Variants in MYLK4 observed in about 807,000 individuals in gnomAD.
MYLK4 encodes caMLCK like.
MYLK4 carries 46 observed loss-of-function variants against 48.1 expected under a neutral mutation model. That is an observed-to-expected ratio of 0.96 (90% CI 0.75 to 1.22). The LOEUF is 1.22. MYLK4 is among the 50% of genes most tolerant of loss of function. The probability of loss-of-function intolerance (pLI) is 0.00; values close to 1 mark genes in which losing one functional copy is unlikely to be tolerated. For missense variants in MYLK4, 451 were observed against 486.1 expected (o/e 0.93, Z 0.68); for synonymous variants, 170 against 180.8 (o/e 0.94, Z 0.48).
intron 2 of MYLK4, among the ~76,000 whole-genome samples, chr6:2,748,030 C>A (rs1764157683): frequency 6.6e-6 from 1 of 152,166 alleles, no homozygotes; most frequent in Admixed American, 6.5e-5. Context: ...GCCTCCTAGA[C>A]CTTTTATATA....
the MYLK4 span, among the ~76,000 whole-genome samples, chr6:2,757,149 T>TTC: frequency 6.6e-6 from 1 of 152,038 alleles, no homozygotes; most frequent in African/African-American, 2.4e-5. Context: ...CTTTTTTTTT[T>TTC]TTTAATTAAA....
At chr6:2,681,553 G>A (rs897676360) in intron 7 of MYLK4, among the ~76,000 whole-genome samples, 6 of 152,160 alleles carry the variant, frequency 3.9e-5, no homozygotes, top group Admixed American at 6.5e-5. Context: ...ATTTCAATAA[G>A]TTAGCCTTTT....
chr6:2,686,944 C>G (rs1443021573), intron 4 of MYLK4, among the ~76,000 whole-genome samples: 2 of 152,208 alleles, frequency 1.3e-5, no homozygotes, highest in African/African-American at 4.8e-5. Context: ...CACTGTCTGA[C>G]TTCCCGGCTC....
At chr6:2,723,617 C>T (rs1195272857) in intron 2 of MYLK4, among the ~76,000 whole-genome samples, 3 of 152,220 alleles carry the variant, frequency 2.0e-5, no homozygotes, top group African/African-American at 7.2e-5. Context: ...TCACTCATGG[C>T]CCCATCAGAG....
At chr6:2,769,191 C>T in the MYLK4 span, among the ~76,000 whole-genome samples, 6 of 152,118 alleles carry the variant, frequency 3.9e-5, no homozygotes, top group Non-Finnish European at 7.4e-5. Context: ...TCATTGTGAA[C>T]AGTAAAATAA....
At chr6:2,766,634 A>C in the MYLK4 span, among the ~76,000 whole-genome samples, 142 of 152,236 alleles carry the variant, frequency 9.3e-4, 3 homozygotes, top group East Asian at 0.025. Context: ...TGAAAAGGGC[A>C]CACACCCCCA....
chr6:2,735,041 T>C (rs546230727), intron 2 of MYLK4, among the ~76,000 whole-genome samples: 3 of 152,358 alleles, frequency 2.0e-5, no homozygotes, highest in Non-Finnish European at 2.9e-5. Flanking sequence ...GCTTAGAATA[T>C]GTAAAACAAA....
At chr6:2,678,154 C>T (rs1262482156) in intron 10 of MYLK4, 66 bp downstream of exon 10, 16 of 1,566,322 alleles carry the variant, frequency 1.0e-5, no homozygotes, top group Non-Finnish European at 1.4e-5. Context: ...TCGAACAGCC[C>T]TGGTGGTAGG....
chr6:2,677,262 C>A (rs1175046906), intron 10 of MYLK4, among the ~76,000 whole-genome samples: 1 of 152,154 alleles, frequency 6.6e-6, no homozygotes. Flanking sequence ...CATTTCCTGG[C>A]ACACAGTAGG....
At position 2,675,030 on chromosome 6, in the gene MYLK4, C is replaced by A. The variant is rs377005526; in HGVS notation, c.1119+17G>T. On this transcript the variant is annotated intron_variant, in intron 11 of 12. Coordinates refer to ENST00000274643, the MANE Select transcript of MYLK4 (RefSeq NM_001012418.5). The stretch of plus-strand genomic sequence containing the variant: ...GCAGACAGGAGAAAAAGAGGAAGAG[C>A]AAGAAGCCGTGGTCACCTGGGCATT... The A allele has an allele frequency of 3.8e-5, 61 of 1,596,774 alleles. No homozygotes were observed. Among genetic ancestry groups the A allele is most frequent in the Non-Finnish European group, 4.5e-5 (52 of 1,164,204 alleles).
At chr6:2,711,682 G>C (rs536769060) in intron 2 of MYLK4, among the ~76,000 whole-genome samples, 8 of 152,300 alleles carry the variant, frequency 5.3e-5, no homozygotes, top group Middle Eastern at 3.4e-3. Context: ...GCACTTATTC[G>C]ATAAGCTAAG....
At chr6:2,694,509 G>A (rs796447367) in intron 2 of MYLK4, among the ~76,000 whole-genome samples, 17 of 53,732 alleles carry the variant, frequency 3.2e-4, no homozygotes, top group East Asian at 8.4e-4. Flanking sequence ...GGTGGTGGTG[G>A]TGGCGGTGGT....
chr6:2,694,906 GA>G (rs1306994528), intron 2 of MYLK4, among the ~76,000 whole-genome samples: 4 of 150,276 alleles, frequency 2.7e-5, no homozygotes, highest in African/African-American at 9.8e-5. Context: ...TCTTTCTGGG[GA>G]AAAAAAAAGA....
chr6:2,668,050 G>A (rs1044472185), intron 12 of MYLK4, among the ~76,000 whole-genome samples, 151 bp from the exon 13 acceptor site: 6 of 151,616 alleles, frequency 4.0e-5, no homozygotes, highest in Admixed American at 6.6e-5. Flanking sequence ...GAAACCTCTT[G>A]ATGGATTCCA....
the MYLK4 span, chr6:2,766,467 G>A: frequency 6.7e-7 from 1 of 1,485,430 alleles, no homozygotes. Context: ...TTGGCCGTTG[G>A]GCTTCCGTAG....
rs559487184 is a variant in MYLK4, at chr6:2,690,423, G to A, written c.236-1467C>T. The stretch of plus-strand genomic sequence containing the variant: ...TCCAGGGATTCGTGGGGGTAGAAAT[G>A]GCCCTTATGCTGCTGACACACCTGG... On this transcript the variant is annotated intron_variant, in intron 3 of 12. Coordinates refer to ENST00000274643, the MANE Select transcript of MYLK4 (RefSeq NM_001012418.5). Among the ~76,000 whole-genome samples the A allele has an allele frequency of 3.3e-5, 5 of 152,340 alleles. No homozygotes were observed. The East Asian group carries it at 9.6e-4, about 29-fold the overall frequency.
At chr6:2,766,257 C>T in the MYLK4 span, 1 of 1,525,754 alleles carries the variant, frequency 6.6e-7, no homozygotes, top group African/African-American at 1.4e-5. Flanking sequence ...CACCCCCGGG[C>T]GCTGGCTGCC....
chr6:2,768,952 T>A, the MYLK4 span: 1 of 1,450,518 alleles, frequency 6.9e-7, no homozygotes, highest in Non-Finnish European at 9.3e-7. Context: ...GAGATCACTA[T>A]ACAAACGCTA....
At chr6:2,702,617 A>G (rs1053912522) in intron 2 of MYLK4, among the ~76,000 whole-genome samples, 1 of 152,188 alleles carries the variant, frequency 6.6e-6, no homozygotes, top group African/African-American at 2.4e-5. Flanking sequence ...TACTGTACAT[A>G]TTTAAAAATT....
Sources: allele counts gnomAD v4.1 joint callset (sites outside exome capture counted in the v4.1 genomes callset), GRCh38; gene constraint gnomAD v4.1.1; transcripts MANE v1.5; gene names NCBI Gene and HGNC (gene_info 2026-07-23, HGNC 2026-07-21).